The following SPON1 variants were observed in gnomAD, a reference collection of about 807,000 sequenced individuals.
The protein encoded by SPON1 is spondin 1, also known as spondin-1.
SPON1 carries 52 observed loss-of-function variants against 111.7 expected under a neutral mutation model. The ratio of observed to expected loss-of-function variants is 0.47; its 90% CI spans 0.37 to 0.59. The LOEUF is 0.59. Ranked by LOEUF, SPON1 falls within the 20% of genes least tolerant of loss-of-function variation. SPON1 has a pLI of 0.00. For missense variants in SPON1, 957 were observed against 1,068.5 expected, an observed-to-expected ratio of 0.90 and a Z score of 1.46; for synonymous variants, 410 against 395.8, an observed-to-expected ratio of 1.04 and a Z score of -0.43.
rs572784378 is a variant in SPON1, at chr11:14,102,201, C to T, written c.676+22180C>T. Among the ~76,000 whole-genome samples the T allele has an allele frequency of 3.3e-4, 50 of 152,258 alleles. 2 individuals are homozygous for T. In the East Asian group the frequency reaches 8.1e-3, roughly 25 times the overall value. On this transcript the variant is annotated intron_variant, in intron 5 of 15. Transcript: ENST00000576479. Reference sequence around the variant, plus strand: ...TTCAAATTATACTCATTATACCTCTCATGTTCTCCAAAGCAATACTGTATC... The same window carrying T: ...TTCAAATTATACTCATTATACCTCTTATGTTCTCCAAAGCAATACTGTATC...
intron 5 of SPON1, among the ~76,000 whole-genome samples, chr11:14,123,658 A>G (rs1423635385): frequency 6.6e-6 from 1 of 152,202 alleles, no homozygotes; most frequent in Non-Finnish European, 1.5e-5. Flanking sequence ...ACTTCTATGC[A>G]TATTCTGAAG....
intron 5 of SPON1, among the ~76,000 whole-genome samples, chr11:14,089,002 A>C (rs1216749830): frequency 6.6e-6 from 1 of 151,466 alleles, no homozygotes; most frequent in African/African-American, 2.4e-5. Context: ...TCTTCTCTAA[A>C]CTGGTTATTC....
rs146330000 is a variant in SPON1, at chr11:13,996,153, G to T, written c.345+13200G>T. The stretch of plus-strand genomic sequence containing the variant: ...TAACAAGCACCTAGAGCCTCACAAG[G>T]GCCTAGTAAAAGTTTTTTTTTTTTA... On this transcript the variant is annotated intron_variant, in intron 2 of 15. Coordinates refer to ENST00000576479, the MANE Select transcript of SPON1 (RefSeq NM_006108.4). Among the ~76,000 whole-genome samples, 304 of 151,486 alleles carry T rather than the reference G, an allele frequency of 2.0e-3. 4 individuals carry two copies. Among genetic ancestry groups the T allele is most frequent in the African/African-American group, 7.0e-3 (288 of 40,894 alleles).
intron 5 of SPON1, among the ~76,000 whole-genome samples, chr11:14,089,444 G>C (rs372241688): frequency 6.6e-6 from 1 of 152,150 alleles, no homozygotes; most frequent in African/African-American, 2.4e-5. Context: ...CCCTGTTCTC[G>C]TGGGTATCAC....
intron 7 of SPON1, among the ~76,000 whole-genome samples, chr11:14,252,722 G>A (rs191146784): frequency 6.6e-6 from 1 of 152,332 alleles, no homozygotes; most frequent in East Asian, 1.9e-4. Flanking sequence ...GGAATCCAGC[G>A]CTATGTATCT....
At chr11:14,208,435 T>G (rs892868889) in intron 6 of SPON1, among the ~76,000 whole-genome samples, 2 of 152,234 alleles carry the variant, frequency 1.3e-5, no homozygotes, top group African/African-American at 4.8e-5. Context: ...CAAATATATT[T>G]CAATATGTTT....
At chr11:14,251,274 G>A (rs1849050252) in intron 7 of SPON1, among the ~76,000 whole-genome samples, 1 of 152,196 alleles carries the variant, frequency 6.6e-6, no homozygotes, top group South Asian at 2.1e-4. Flanking sequence ...TATCACCCAA[G>A]ATAAGTCAGC....
intron 6 of SPON1, among the ~76,000 whole-genome samples, chr11:14,238,944 C>T (rs1361391659): frequency 3.3e-5 from 5 of 152,194 alleles, no homozygotes; most frequent in Admixed American, 6.5e-5. Context: ...TGAGAAGGGG[C>T]TCTAAGTATT....
chr11:14,161,197 A>G (rs1564920090), intron 6 of SPON1, among the ~76,000 whole-genome samples: 27 of 126,086 alleles, frequency 2.1e-4, no homozygotes, highest in African/African-American at 3.2e-5. Flanking sequence ...ATATCTATAT[A>G]TATTTATATA....
chr11:14,012,567 A>G (rs1848413989), intron 2 of SPON1, among the ~76,000 whole-genome samples: 1 of 152,180 alleles, frequency 6.6e-6, no homozygotes, highest in South Asian at 2.1e-4. Flanking sequence ...CAGCCTTCTA[A>G]GTGTTAACCA....
intron 3 of SPON1, among the ~76,000 whole-genome samples, chr11:14,057,888 A>C (rs1554919428): frequency 6.6e-6 from 1 of 151,106 alleles, no homozygotes. Flanking sequence ...ATGGTGATGC[A>C]TGCCTGTGGT....
At chr11:14,013,357 A>T (rs1848420352) in intron 2 of SPON1, among the ~76,000 whole-genome samples, 1 of 152,166 alleles carries the variant, frequency 6.6e-6, no homozygotes, top group African/African-American at 2.4e-5. Context: ...CCATTTGGTC[A>T]GGTTTTGGAA....
At chr11:14,252,760 T>C (rs1554940789) in intron 7 of SPON1, among the ~76,000 whole-genome samples, 1 of 152,262 alleles carries the variant, frequency 6.6e-6, no homozygotes, top group African/African-American at 2.4e-5. Flanking sequence ...GCAGAAAGGC[T>C]GCTGGAAGAG....
chr11:14,177,127 G>A (rs1238657892), intron 6 of SPON1, among the ~76,000 whole-genome samples: 4 of 152,110 alleles, frequency 2.6e-5, no homozygotes, highest in East Asian at 1.9e-4. Context: ...TGCAAGCTCC[G>A]CTTCCCAGGT....
rs569975572 is a variant in SPON1, at chr11:14,091,952, C to T, written c.676+11931C>T. Among the ~76,000 whole-genome samples the T allele has an allele frequency of 1.3e-4, 20 of 152,328 alleles. No individual in the cohort carries two copies. The South Asian group carries it at 3.5e-3, about 27-fold the overall frequency. ...GGCGGGGGAGGCCCCCAGCTGCTTG[C>T]ACTTCCTGGGCAAGGCGACACCCCA... On this transcript the variant is annotated intron_variant, in intron 5 of 15. Transcript: ENST00000576479.
intron 6 of SPON1, among the ~76,000 whole-genome samples, chr11:14,194,050 A>C (rs897164149): frequency 6.6e-6 from 1 of 152,172 alleles, no homozygotes; most frequent in East Asian, 1.9e-4. Context: ...ACGTTTTAGA[A>C]ATATCTTCAG....
In SPON1 at chr11:14,031,966, GA is replaced by G. The variant is rs373813831; in HGVS notation, c.346-9549del. ...ATAAACTACATTAATTTCATTTCCA[GA>G]AAAAACTTAAGATGTCAAATTTAGC... On this transcript the variant is annotated intron_variant, in intron 2 of 15. Transcript: ENST00000576479. Among the ~76,000 whole-genome samples, 23 of 152,196 alleles carry G rather than the reference GA, an allele frequency of 1.5e-4. No individual in the cohort carries two copies. The South Asian group carries it at 1.9e-3, about 12-fold the overall frequency.
At chr11:14,066,553 C>A (rs181731458) in intron 3 of SPON1, among the ~76,000 whole-genome samples, 5 of 152,264 alleles carry the variant, frequency 3.3e-5, no homozygotes, top group African/African-American at 4.8e-5. Flanking sequence ...CAACAGCTGA[C>A]AAATTTCCAG....
chr11:14,105,257 C>T (rs192294457), intron 5 of SPON1, among the ~76,000 whole-genome samples: 1 of 152,224 alleles, frequency 6.6e-6, no homozygotes, highest in East Asian at 1.9e-4. Flanking sequence ...TTCATTCCTT[C>T]TCTTTCTTTA....
Sources: gnomAD v4.1 joint callset for allele counts (sites outside exome capture counted in the v4.1 genomes callset) on GRCh38, gnomAD v4.1.1 for gene constraint, MANE v1.5 for transcripts, NCBI Gene and HGNC (gene_info 2026-07-23, HGNC 2026-07-21) for gene names.